PTPRD: variants seen among roughly 807,000 people sequenced by gnomAD.
The protein encoded by PTPRD is protein tyrosine phosphatase receptor type D, also known as receptor-type tyrosine-protein phosphatase delta.
A neutral mutation model predicts 214.5 loss-of-function variants in PTPRD; 34 were observed. That is an observed-to-expected ratio of 0.16 (90% CI 0.12 to 0.21). The LOEUF (loss-of-function observed/expected upper bound fraction) is 0.21. Among genes scored for constraint, PTPRD ranks in the 10% least tolerant of loss-of-function variants. The pLI, the probability that PTPRD is intolerant of heterozygous loss-of-function variation, is 1.00. For missense variants in PTPRD, 2,545 were observed against 2,398.7 expected, an observed-to-expected ratio of 1.06 and a Z score of -1.27; for synonymous variants, 1,128 against 845.7, an observed-to-expected ratio of 1.33 and a Z score of -5.79.
chr9:9,295,437 T>C (rs901986816), intron 9 of PTPRD, among the ~76,000 whole-genome samples: 1 of 151,708 alleles, frequency 6.6e-6, no homozygotes, highest in African/African-American at 2.4e-5. Flanking sequence ...AACATAAATA[T>C]GCAGTGTAGT....
In PTPRD at chr9:10,025,727, G is replaced by A. The variant is rs78281690; in HGVS notation, c.-472+7991C>T. 6.8e-3 allele frequency among the ~76,000 whole-genome samples: 1,041 copies of A among 152,234 alleles called. 6 individuals are homozygous for A. The highest frequency in any genetic ancestry group is 0.023 in the African/African-American group (961 of 41,534). On this transcript the variant is annotated intron_variant, in intron 4 of 45. Transcript: ENST00000381196. ...AAGAAATTGGATGATATTTGAAGACGATTTCCTTGGAGAGAGCTGTGCCGC... is the reference window on the plus strand; with the variant it reads ...AAGAAATTGGATGATATTTGAAGACAATTTCCTTGGAGAGAGCTGTGCCGC...
At chr9:9,315,352 CA>C (rs1276607913) in intron 9 of PTPRD, among the ~76,000 whole-genome samples, 5 of 151,988 alleles carry the variant, frequency 3.3e-5, no homozygotes, top group African/African-American at 1.2e-4. Context: ...TATGTATATA[CA>C]ACTTATTATT....
intron 10 of PTPRD, among the ~76,000 whole-genome samples, chr9:9,093,557 T>C (rs926422778): frequency 1.3e-5 from 2 of 151,864 alleles, no homozygotes; most frequent in Non-Finnish European, 2.9e-5. Flanking sequence ...ATCTGGAAAT[T>C]AAATAACACA....
chr9:9,097,114 G>A (rs1223029669), intron 10 of PTPRD, among the ~76,000 whole-genome samples: 1 of 152,144 alleles, frequency 6.6e-6, no homozygotes, highest in Admixed American at 6.5e-5. Context: ...CATACAAGCA[G>A]GGCAACAGTT....
chr9:9,430,491 A>T (rs1180446330), intron 8 of PTPRD, among the ~76,000 whole-genome samples: 1 of 152,164 alleles, frequency 6.6e-6, no homozygotes, highest in Admixed American at 6.6e-5. Flanking sequence ...AGTAATTTAT[A>T]GATTCAATGC....
chr9:9,132,293 G>T (rs1018280936), intron 10 of PTPRD, among the ~76,000 whole-genome samples: 4 of 152,162 alleles, frequency 2.6e-5, no homozygotes, highest in African/African-American at 9.7e-5. Flanking sequence ...ACAGGCGTGA[G>T]CCACCATGCC....
intron 2 of PTPRD, among the ~76,000 whole-genome samples, chr9:10,461,183 C>G (rs961903837): frequency 5.3e-5 from 8 of 151,372 alleles, no homozygotes; most frequent in African/African-American, 1.9e-4. Flanking sequence ...CAATTCAAAA[C>G]TCTATATATC....
At chr9:9,010,937 A>G (rs1345607016) in intron 11 of PTPRD, among the ~76,000 whole-genome samples, 4 of 152,178 alleles carry the variant, frequency 2.6e-5, no homozygotes, top group Non-Finnish European at 5.9e-5. Context: ...AAGTATGAAT[A>G]AATACCATTA....
At chr9:10,128,733 G>A (rs1327438465) in intron 3 of PTPRD, among the ~76,000 whole-genome samples, 1 of 152,082 alleles carries the variant, frequency 6.6e-6, no homozygotes, top group Non-Finnish European at 1.5e-5. Context: ...TCACCGTTAA[G>A]AACTAGTCCA....
chr9:9,665,382 G>A (rs1057032284), intron 7 of PTPRD, among the ~76,000 whole-genome samples: 3 of 151,692 alleles, frequency 2.0e-5, no homozygotes, highest in Non-Finnish European at 3.0e-5. Flanking sequence ...TATTTTTAAA[G>A]GACAAAATAG....
chr9:10,476,780 C>A (rs892913614), intron 2 of PTPRD, among the ~76,000 whole-genome samples: 1 of 152,100 alleles, frequency 6.6e-6, no homozygotes, highest in East Asian at 1.9e-4. Flanking sequence ...GGTACTGGTA[C>A]AAAAACAGAT....
Position 9,014,701 on chromosome 9 carries a change from G to T in PTPRD, c.-104+3996C>A, listed in dbSNP as rs536375862. ...ATCTGAGGAAGGAGAAATCTATATT[G>T]TGTATGAACATGATGAAATGTATTT... On this transcript the variant is annotated intron_variant, in intron 11 of 45. Transcript: ENST00000381196. Among the ~76,000 whole-genome samples, 275 of 152,210 alleles carry T rather than the reference G, an allele frequency of 1.8e-3. 3 individuals are homozygous for T. The highest frequency in any genetic ancestry group is 6.3e-3 in the African/African-American group (262 of 41,554).
chr9:10,079,346 A>G (rs1230847527), intron 3 of PTPRD, among the ~76,000 whole-genome samples: 3 of 152,100 alleles, frequency 2.0e-5, no homozygotes, highest in South Asian at 4.1e-4. Flanking sequence ...GATTTCATTA[A>G]AAGAAATGGT....
At chr9:9,737,055 C>G (rs757104783) in intron 6 of PTPRD, among the ~76,000 whole-genome samples, 1 of 152,094 alleles carries the variant, frequency 6.6e-6, no homozygotes, top group African/African-American at 2.4e-5. Flanking sequence ...TTGCCTTTCA[C>G]GTCTAATCCA....
intron 2 of PTPRD, among the ~76,000 whole-genome samples, chr9:10,424,355 G>T (rs548585925): frequency 1.4e-4 from 21 of 148,740 alleles, no homozygotes; most frequent in Non-Finnish European, 2.4e-4. Flanking sequence ...GGAATTATGA[G>T]ATCTGTTATT....
In PTPRD at chr9:8,629,137, G is replaced by A. The variant is rs116757314; in HGVS notation, c.352+4180C>T. 5.9e-3 allele frequency among the ~76,000 whole-genome samples: 896 copies of A among 151,844 alleles called. 11 individuals carry two copies. The highest frequency in any genetic ancestry group is 0.021 in the African/African-American group (873 of 41,500). On this transcript the variant is annotated intron_variant, in intron 14 of 45. Transcript: ENST00000381196. The stretch of plus-strand genomic sequence containing the variant: ...CCCCTAAAAAAAATTCTAAGTTCAA[G>A]AAACATGATGACATTTAGTAAGATG...
chr9:8,790,779 G>A (rs369338426), intron 11 of PTPRD, among the ~76,000 whole-genome samples: 1 of 141,130 alleles, frequency 7.1e-6, no homozygotes, highest in Non-Finnish European at 1.6e-5. Flanking sequence ...AAAAAAAAAA[G>A]GGGGTAGTGA....
At chr9:8,449,353 G>C (rs957811343) in intron 34 of PTPRD, among the ~76,000 whole-genome samples, 1 of 150,980 alleles carries the variant, frequency 6.6e-6, no homozygotes, top group Non-Finnish European at 1.5e-5. Context: ...TGAAAGATGT[G>C]TACAGTCATC....
intron 2 of PTPRD, among the ~76,000 whole-genome samples, chr9:10,583,893 A>C (rs1428444889): frequency 6.6e-6 from 1 of 152,148 alleles, no homozygotes; most frequent in African/African-American, 2.4e-5. Flanking sequence ...GCACTGAGTT[A>C]ATGTCTAGAA....
Sources: allele counts gnomAD v4.1 joint callset (sites outside exome capture counted in the v4.1 genomes callset), GRCh38; gene constraint gnomAD v4.1.1; transcripts MANE v1.5; gene names NCBI Gene and HGNC (gene_info 2026-07-23, HGNC 2026-07-21).